The following CADPS2 variants were observed in gnomAD, a reference collection of about 807,000 sequenced individuals.
CADPS2 encodes the protein calcium-dependent secretion activator 2.
A neutral mutation model predicts 172.5 loss-of-function variants in CADPS2; 93 were observed. The ratio of observed to expected loss-of-function variants is 0.54; its 90% CI spans 0.46 to 0.64. The LOEUF is 0.64. CADPS2 is among the 30% of genes least tolerant of loss of function. The pLI, the probability that CADPS2 is intolerant of heterozygous loss-of-function variation, is 0.00. For synonymous variants in CADPS2, 546 were observed against 555.2 expected (o/e 0.98, Z 0.23); for missense variants, 1,420 against 1,565.9 (o/e 0.91, Z 1.57).
chr7:122,655,441 C>CA (rs1353176052), intron 3 of CADPS2, among the ~76,000 whole-genome samples: 1 of 152,096 alleles, frequency 6.6e-6, no homozygotes, highest in African/African-American at 2.4e-5. Context: ...CCTCTACCAG[C>CA]AAAAAGATTA....
intron 3 of CADPS2, among the ~76,000 whole-genome samples, chr7:122,645,189 T>C (rs2078169774): frequency 6.8e-6 from 1 of 147,780 alleles, no homozygotes; most frequent in African/African-American, 2.5e-5. Flanking sequence ...TAAGTATATA[T>C]ATACACATAT....
intron 25 of CADPS2, among the ~76,000 whole-genome samples, chr7:122,365,145 C>T (rs1362386877): frequency 6.6e-6 from 1 of 152,156 alleles, no homozygotes; most frequent in Non-Finnish European, 1.5e-5. Context: ...GCAGCATTGG[C>T]TTATATACAA....
At chr7:122,745,583 G>C (rs2092687514) in intron 1 of CADPS2, among the ~76,000 whole-genome samples, 1 of 147,578 alleles carries the variant, frequency 6.8e-6, no homozygotes, top group Admixed American at 6.8e-5. Context: ...AGTGGCTTTA[G>C]GATAAGAACT....
chr7:122,357,601 G>T (rs995064125), intron 27 of CADPS2, among the ~76,000 whole-genome samples: 2 of 152,082 alleles, frequency 1.3e-5, no homozygotes, highest in Non-Finnish European at 2.9e-5. Flanking sequence ...CAGAATAGTT[G>T]CTGTGTTCCA....
chr7:122,764,884 T>A (rs2138871947), intron 1 of CADPS2, among the ~76,000 whole-genome samples: 1 of 152,180 alleles, frequency 6.6e-6, no homozygotes, highest in East Asian at 1.9e-4. Flanking sequence ...ATTTTCCCCA[T>A]CTACAAAATC....
intron 27 of CADPS2, among the ~76,000 whole-genome samples, chr7:122,349,805 C>T (rs1376249694): frequency 6.6e-6 from 1 of 152,192 alleles, no homozygotes; most frequent in African/African-American, 2.4e-5. Context: ...TTGCTTCCTG[C>T]TGCTACACCT....
At chr7:122,862,450 TG>T (rs1306728217) in intron 1 of CADPS2, among the ~76,000 whole-genome samples, 12 of 152,140 alleles carry the variant, frequency 7.9e-5, no homozygotes, top group African/African-American at 2.7e-4. Flanking sequence ...CCACAGAAGG[TG>T]GGACAGTGAC....
In CADPS2 at chr7:122,702,400, G is replaced by A. The variant is rs199897572; in HGVS notation, c.453+34555C>T. On this transcript the variant is annotated intron_variant, in intron 2 of 29. Transcript: ENST00000449022. Reference sequence around the variant, plus strand: ...CATTTGCTCCCTTCTCTGCTGCCACGTTGATTTTATGTGTAAAAGTACAGC... The same window carrying A: ...CATTTGCTCCCTTCTCTGCTGCCACATTGATTTTATGTGTAAAAGTACAGC... 230 of 1,613,696 alleles carry A rather than the reference G, an allele frequency of 1.4e-4. 1 individual carries two copies. Among genetic ancestry groups the A allele is most frequent in the African/African-American group, 6.8e-4 (51 of 74,994 alleles).
In CADPS2 at chr7:122,736,966, T is replaced by C. The variant is rs1314945802; in HGVS notation, c.442A>G (p.Ser148Gly). 5 of 1,597,500 alleles carry C rather than the reference T, an allele frequency of 3.1e-6. No individual in the cohort carries two copies. In the Admixed American group the frequency reaches 6.7e-5, roughly 21 times the overall value. The part of the protein sequence containing the change: ...ADEAFCNAVR[S>G]YYEVFLKSDR... ...CTCTTCAAACTTACCTCATAATAAC[T>C]CCGAACTGCGTTGCAAAATGCTTCG... is the stretch of plus-strand genomic sequence containing the variant. Residue 148 changes from serine to glycine, a missense_variant, in exon 2 of 30, where the codon AGT becomes GGT. By Grantham distance (56) the Ser-to-Gly change is moderately conservative. Coordinates refer to ENST00000449022, the MANE Select transcript of CADPS2 (RefSeq NM_017954.11).
chr7:122,513,136 C>G (rs1230764766), intron 9 of CADPS2, 113 bp downstream of exon 9: 1 of 706,002 alleles, frequency 1.4e-6, no homozygotes, highest in Non-Finnish European at 2.4e-6. Flanking sequence ...TTTAAAGTGG[C>G]TTAAACATAT....
intron 14 of CADPS2, 93 bp downstream of exon 14, chr7:122,471,282 A>G (rs1417343736): frequency 1.0e-6 from 1 of 998,676 alleles, no homozygotes; most frequent in African/African-American, 1.7e-5. Context: ...GCTATTTACA[A>G]TCTGTTACTG....
intron 1 of CADPS2, among the ~76,000 whole-genome samples, chr7:122,759,358 A>C (rs2093295035): frequency 1.3e-5 from 2 of 152,212 alleles, no homozygotes; most frequent in Non-Finnish European, 1.5e-5. Context: ...TTAAAGACAC[A>C]AGACAAGGGG....
At chr7:122,598,096 T>C (rs1367798236) in intron 6 of CADPS2, among the ~76,000 whole-genome samples, 1 of 152,098 alleles carries the variant, frequency 6.6e-6, no homozygotes, top group African/African-American at 2.4e-5. Flanking sequence ...TACATAAATA[T>C]ATTTTCTAGC....
rs751855454 is a variant in CADPS2 at position 122,621,530 on chromosome 7, T to C, written c.1055A>G (p.Asn352Ser). Reference sequence around the variant, plus strand: ...GTCGGACTTTGACAGCTGAATCTCATTCTCATCTCCTATGTCCAAAAATGC... The same window carrying C: ...GTCGGACTTTGACAGCTGAATCTCACTCTCATCTCCTATGTCCAAAAATGC... ...NSAFLDIGDENEIQLSKSDVV... is the reference protein window; with the variant it reads ...NSAFLDIGDESEIQLSKSDVV... The change falls in exon 5 of 30, where the codon AAT (asparagine) becomes AGT (serine). Residue 352 changes from asparagine to serine, a missense_variant. Transcript: ENST00000449022. 1.2e-5 allele frequency: 20 copies of C among 1,613,420 alleles called. 1 individual carries two copies. The South Asian group carries it at 2.2e-4, about 18-fold the overall frequency.
At chr7:122,513,427 A>C (rs191491636) in intron 8 of CADPS2, 112 bp from the exon 9 acceptor site, 1 of 796,928 alleles carries the variant, frequency 1.3e-6, no homozygotes, top group East Asian at 2.7e-5. Flanking sequence ...GCTAAAGGCA[A>C]AGTTTAGCTC....
chr7:122,541,285 C>T lies in CADPS2; in HGVS notation c.1475+13265G>A, dbSNP rs539680857. On this transcript the variant is annotated intron_variant, in intron 8 of 29. Transcript: ENST00000449022. ...GATCTCGGCTCACTGCAACCTCCACCTCCTGGATTCAAGCAATTTTCCTGC... is the reference window on the plus strand; with the variant it reads ...GATCTCGGCTCACTGCAACCTCCACTTCCTGGATTCAAGCAATTTTCCTGC... Among the ~76,000 whole-genome samples the T allele has an allele frequency of 1.0e-3, 149 of 148,022 alleles. 1 individual carries two copies. The highest frequency in any genetic ancestry group is 1.7e-3 in the Admixed American group (26 of 14,886).
At chr7:122,560,409 A>T (rs2065602226) in intron 7 of CADPS2, among the ~76,000 whole-genome samples, 1 of 152,180 alleles carries the variant, frequency 6.6e-6, no homozygotes, top group African/African-American at 2.4e-5. Context: ...CAAACCAGAG[A>T]ATGAAAATCA....
intron 2 of CADPS2, among the ~76,000 whole-genome samples, chr7:122,672,849 G>C (rs988540259): frequency 1.3e-5 from 2 of 152,160 alleles, no homozygotes; most frequent in African/African-American, 4.8e-5. Flanking sequence ...GGAATTGGTG[G>C]GTTCTTTGTC....
chr7:122,594,974 T>G lies in CADPS2; in HGVS notation c.1224-13684A>C, dbSNP rs1251862185. ...ACAAATCCCCCAGATGTCTAAATAATAAAATGCAATGGTGTGGAAATGAGC... is the reference window on the plus strand; with the variant it reads ...ACAAATCCCCCAGATGTCTAAATAAGAAAATGCAATGGTGTGGAAATGAGC... On this transcript the variant is annotated intron_variant, in intron 6 of 29. Transcript: ENST00000449022. Among the ~76,000 whole-genome samples, 3 of 151,892 alleles carry G rather than the reference T, an allele frequency of 2.0e-5. No individual in the cohort carries two copies. In the East Asian group the frequency reaches 5.8e-4, roughly 30 times the overall value.
Sources: allele counts gnomAD v4.1 joint callset (sites outside exome capture counted in the v4.1 genomes callset), GRCh38; gene constraint gnomAD v4.1.1; transcripts MANE v1.5; gene names NCBI Gene and HGNC (gene_info 2026-07-23, HGNC 2026-07-21).